The following NECAB2 variants were observed in gnomAD, a reference collection of about 807,000 sequenced individuals.
NECAB2 encodes N-terminal EF-hand calcium binding protein 2, also known as N-terminal EF-hand calcium-binding protein 2.
A neutral mutation model predicts 51.9 loss-of-function variants in NECAB2; 68 were observed. The ratio of observed to expected loss-of-function variants is 1.31; its 90% CI spans 1.08 to 1.60. NECAB2 has a LOEUF of 1.60. Among genes scored for constraint, NECAB2 ranks in the 40% most tolerant of loss-of-function variants. NECAB2 has a pLI of 0.00. For missense variants in NECAB2, 854 were observed against 490.3 expected, an observed-to-expected ratio of 1.74 and a Z score of -7.00; for synonymous variants, 329 against 203.5, an observed-to-expected ratio of 1.62 and a Z score of -5.25.
At chr16:83,990,364 G>A (rs900701301) in intron 5 of NECAB2, 130 bp from the exon 6 acceptor site, 182 of 1,195,804 alleles carry the variant, frequency 1.5e-4, no homozygotes, top group Middle Eastern at 4.2e-4. Flanking sequence ...CCAGGAGGCC[G>A]TGGGGTCCTC....
chr16:84,000,823 G>C (rs1182075667), intron 11 of NECAB2, 22 bp downstream of exon 11: 1 of 1,609,514 alleles, frequency 6.2e-7, no homozygotes, highest in South Asian at 1.1e-5. Flanking sequence ...GGTCCCCACA[G>C]CAGGTGAGGG....
At chr16:83,980,898 G>T (rs747265103) in intron 4 of NECAB2, 34 bp downstream of exon 4, 3 of 1,613,538 alleles carry the variant, frequency 1.9e-6, no homozygotes, top group Admixed American at 3.3e-5. Context: ...CCAAGATGGG[G>T]ATGCTGGGAT....
At chr16:83,990,449 C>T in intron 5 of NECAB2, 45 bp from the exon 6 acceptor site, 1 of 1,604,310 alleles carries the variant, frequency 6.2e-7, no homozygotes, top group Non-Finnish European at 8.5e-7. Context: ...CTCCAATTTC[C>T]CTCCCACCCC....
chr16:83,984,084 C>T lies in NECAB2; in HGVS notation c.459+2957C>T, dbSNP rs575951047. On this transcript the variant is annotated intron_variant, in intron 5 of 12. Coordinates refer to ENST00000305202, the MANE Select transcript of NECAB2 (RefSeq NM_019065.3). ...AGTCCCAGCTCACTGCCAGCTCCGC[C>T]TCCCGGGTTCACGCCATTCTCCTGC... Among the ~76,000 whole-genome samples, 568 of 151,584 alleles carry T rather than the reference C, an allele frequency of 3.7e-3. 2 individuals are homozygous for T. The highest frequency in any genetic ancestry group is 0.013 in the African/African-American group (520 of 41,258).
intron 12 of NECAB2, 146 bp from the exon 13 acceptor site, chr16:84,002,172 G>C (rs1274313218): frequency 4.5e-6 from 5 of 1,118,352 alleles, no homozygotes; most frequent in Non-Finnish European, 6.7e-6. Context: ...CAGGTGTGTG[G>C]TTTGCACCTG....
intron 5 of NECAB2, among the ~76,000 whole-genome samples, chr16:83,982,806 CGTG>C (rs1022610207): frequency 6.6e-6 from 1 of 151,744 alleles, no homozygotes; most frequent in Non-Finnish European, 1.5e-5. Context: ...TTGTGGCAGT[CGTG>C]GTGATGATAG....
Position 84,002,365 on chromosome 16 carries a change from T to G in NECAB2, c.*19T>G. On this transcript the variant is annotated 3_prime_UTR_variant, in exon 13 of 13. Transcript: ENST00000305202. ...GGACTGACAGCCTCCCAGAGGCCCG[T>G]GGAGGAGCCCACCAGCCCCTTCTTC... The G allele has an allele frequency of 6.2e-7, 1 of 1,613,314 alleles. No individual in the cohort carries two copies. The highest frequency in any genetic ancestry group is 8.5e-7 in the Non-Finnish European group (1 of 1,179,570).
At chr16:83,995,678 A>T (rs1362404584) in intron 8 of NECAB2, among the ~76,000 whole-genome samples, 1 of 152,032 alleles carries the variant, frequency 6.6e-6, no homozygotes, top group Non-Finnish European at 1.5e-5. Context: ...TGTAAAGGGT[A>T]TTGCTACTTT....
At chr16:83,998,087 A>T in intron 9 of NECAB2, 118 bp from the exon 10 acceptor site, 1 of 870,340 alleles carries the variant, frequency 1.1e-6, no homozygotes, top group Non-Finnish European at 1.8e-6. Flanking sequence ...GTAAGAATGA[A>T]AAGTGGGGGA....
chr16:83,991,704 A>G (rs907238350), intron 6 of NECAB2, among the ~76,000 whole-genome samples: 3 of 151,842 alleles, frequency 2.0e-5, no homozygotes, highest in African/African-American at 4.8e-5. Flanking sequence ...GCTGGAGTAC[A>G]GTGGCACCAT....
At chr16:83,992,559 C>G (rs1012583555) in intron 6 of NECAB2, among the ~76,000 whole-genome samples, 29 of 152,162 alleles carry the variant, frequency 1.9e-4, no homozygotes, top group Non-Finnish European at 3.8e-4. Flanking sequence ...CAGAGAGGTA[C>G]CTCAGGACCA....
At chr16:83,970,838 A>G (rs1022285469) in intron 1 of NECAB2, among the ~76,000 whole-genome samples, 1 of 152,136 alleles carries the variant, frequency 6.6e-6, no homozygotes, top group Non-Finnish European at 1.5e-5. Flanking sequence ...CACGCCTGTA[A>G]TCCCAGCACT....
chr16:83,995,530 A>G (rs574303555), intron 8 of NECAB2, among the ~76,000 whole-genome samples: 46 of 152,310 alleles, frequency 3.0e-4, no homozygotes, highest in African/African-American at 1.1e-3. Flanking sequence ...ATTATGAGGC[A>G]TTCTGTTACC....
intron 5 of NECAB2, among the ~76,000 whole-genome samples, chr16:83,989,846 C>T (rs549946592): frequency 1.3e-5 from 2 of 152,290 alleles, no homozygotes; most frequent in African/African-American, 4.8e-5. Flanking sequence ...CCCCAGAGTT[C>T]CGCTAAGACT....
intron 10 of NECAB2, among the ~76,000 whole-genome samples, chr16:83,999,622 C>G (rs995959751): frequency 6.6e-6 from 1 of 152,072 alleles, no homozygotes; most frequent in Admixed American, 6.6e-5. Flanking sequence ...GGGGCTTCCT[C>G]ATTGTAGTGC....
intron 5 of NECAB2, among the ~76,000 whole-genome samples, chr16:83,982,159 G>T (rs1374513489): frequency 6.6e-6 from 1 of 152,120 alleles, no homozygotes; most frequent in Non-Finnish European, 1.5e-5. Context: ...CCTACTGTAC[G>T]CTCAGCCAGA....
At position 84,002,449 on chromosome 16, in the gene NECAB2, A is replaced by C. The variant is rs2151105655; in HGVS notation, c.*103A>C. ...CACTTTGGTGCAGAAGCTTCTTTTC[A>C]ATCCATCCTCCACAAGAAGGTGTTT... On this transcript the variant is annotated 3_prime_UTR_variant, in exon 13 of 13. Transcript: ENST00000305202. The C allele has an allele frequency of 2.8e-6, 4 of 1,426,852 alleles. No homozygotes were observed. Among genetic ancestry groups the C allele is most frequent in the Non-Finnish European group, 3.9e-6 (4 of 1,017,392 alleles). The allele number at this position is 1,426,852 out of a possible 1,614,324, so 88.4% of individuals were successfully genotyped here.
At chr16:83,977,435 C>T (rs2084426014) in intron 2 of NECAB2, among the ~76,000 whole-genome samples, 1 of 152,128 alleles carries the variant, frequency 6.6e-6, no homozygotes, top group Non-Finnish European at 1.5e-5. Flanking sequence ...CTTAAGCCAC[C>T]TCCCCTGGTG....
At chr16:83,981,221 C>A in intron 5 of NECAB2, 94 bp downstream of exon 5, 1 of 1,151,728 alleles carries the variant, frequency 8.7e-7, no homozygotes, top group South Asian at 1.3e-5. Flanking sequence ...GAAGACAGGC[C>A]GCCAGGGAGG....
Sources: allele counts gnomAD v4.1 joint callset (sites outside exome capture counted in the v4.1 genomes callset), GRCh38; gene constraint gnomAD v4.1.1; transcripts MANE v1.5; gene names NCBI Gene and HGNC (gene_info 2026-07-23, HGNC 2026-07-21).